Variants in LAMA2 observed in about 807,000 individuals in gnomAD.
LAMA2 encodes laminin subunit alpha 2, also known as laminin subunit alpha-2.
In LAMA2, 269 loss-of-function variants were observed where a neutral mutation model predicts 364.8. The observed-to-expected ratio is 0.74, with a 90% confidence interval of 0.67 to 0.82. The LOEUF (loss-of-function observed/expected upper bound fraction) is 0.82. Among genes scored for constraint, LAMA2 ranks in the 40% least tolerant of loss-of-function variants. The pLI is 0.00. For synonymous variants in LAMA2, 1,379 were observed against 1,370.6 expected (o/e 1.01, Z -0.14); for missense variants, 3,807 against 3,873.2 (o/e 0.98, Z 0.45).
At chr6:129,512,235 A>G in intron 62 of LAMA2, 128 bp from the exon 63 acceptor site, 1 of 870,538 alleles carries the variant, frequency 1.1e-6, no homozygotes, top group Non-Finnish European at 1.8e-6. Flanking sequence ...AGGATCTGAA[A>G]CTTATAGCCC....
intron 1 of LAMA2, among the ~76,000 whole-genome samples, chr6:128,978,704 T>A (rs542439836): frequency 1.3e-5 from 2 of 152,310 alleles, no homozygotes; most frequent in South Asian, 4.1e-4. Flanking sequence ...CAAGTATCAT[T>A]TGACTTGAGA....
At chr6:129,070,790 G>C (rs79069357) in intron 3 of LAMA2, among the ~76,000 whole-genome samples, 14,457 of 152,132 alleles carry the variant, frequency 0.095, 869 homozygotes, top group Middle Eastern at 0.14. Context: ...GTTTTGTCTA[G>C]TTTGGCAGTG....
chr6:129,261,752 A>G (rs914178974), intron 15 of LAMA2, among the ~76,000 whole-genome samples: 8 of 152,170 alleles, frequency 5.3e-5, no homozygotes, highest in African/African-American at 1.9e-4. Flanking sequence ...GATACGCATT[A>G]TAGTCATATT....
chr6:129,050,423 G>C (rs1296649209), intron 2 of LAMA2, among the ~76,000 whole-genome samples: 1 of 152,170 alleles, frequency 6.6e-6, no homozygotes, highest in Non-Finnish European at 1.5e-5. Flanking sequence ...GCCAGATATT[G>C]TGCCTGAGAT....
chr6:129,363,975 G>A (rs1430943304), intron 32 of LAMA2, among the ~76,000 whole-genome samples: 6 of 152,146 alleles, frequency 3.9e-5, no homozygotes, highest in Non-Finnish European at 8.8e-5. Context: ...TTTCATTCTG[G>A]CTAGGAGAAG....
At chr6:129,336,497 C>T (rs1775965137) in intron 29 of LAMA2, among the ~76,000 whole-genome samples, 1 of 152,020 alleles carries the variant, frequency 6.6e-6, no homozygotes, top group Non-Finnish European at 1.5e-5. Context: ...GTACCAGGAC[C>T]AAAACAGGTC....
At chr6:128,959,333 T>C (rs1340296939) in intron 1 of LAMA2, among the ~76,000 whole-genome samples, 1 of 152,076 alleles carries the variant, frequency 6.6e-6, no homozygotes, top group Non-Finnish European at 1.5e-5. Context: ...TTAGAAAGAG[T>C]GAAGAAAAGG....
chr6:129,233,749 C>A (rs1784815119), intron 12 of LAMA2, among the ~76,000 whole-genome samples: 1 of 152,074 alleles, frequency 6.6e-6, no homozygotes, highest in Non-Finnish European at 1.5e-5. Context: ...AGGCTTTCTT[C>A]TTTAAACAGA....
At chr6:129,149,531 T>C (rs1778670507) in intron 7 of LAMA2, among the ~76,000 whole-genome samples, 1 of 152,152 alleles carries the variant, frequency 6.6e-6, no homozygotes, top group South Asian at 2.1e-4. Flanking sequence ...TTGATAGACA[T>C]TTTAAATTAA....
chr6:129,464,460 T>G lies in LAMA2; in HGVS notation c.7155+8T>G. The stretch of plus-strand genomic sequence containing the variant: ...CTTGCCACACGAGACCTGGTAAAGA[T>G]CATATGCATAGCAGAGTTTCCGTGA... On this transcript the variant is annotated splice_region_variant and intron_variant, in intron 50 of 64. Transcript: ENST00000421865. 6.2e-7 allele frequency: 1 copy of G among 1,608,910 alleles called. No individual in the cohort carries two copies. The highest frequency in any genetic ancestry group is 8.5e-7 in the Non-Finnish European group (1 of 1,175,644).
chr6:129,508,823 G>A (rs1040811800), intron 62 of LAMA2, among the ~76,000 whole-genome samples: 3 of 152,116 alleles, frequency 2.0e-5, no homozygotes, highest in Non-Finnish European at 4.4e-5. Context: ...TGCAATAAAC[G>A]TGGGAGTGCA....
intron 4 of LAMA2, among the ~76,000 whole-genome samples, chr6:129,133,754 G>C (rs1371319751): frequency 6.6e-6 from 1 of 152,130 alleles, no homozygotes; most frequent in Non-Finnish European, 1.5e-5. Context: ...GAGGCTGCTA[G>C]TAGCTATCCT....
intron 64 of LAMA2, among the ~76,000 whole-genome samples, 186 bp from the exon 65 acceptor site, chr6:129,516,004 T>C (rs1787036083): frequency 6.7e-6 from 1 of 148,362 alleles, no homozygotes; most frequent in Non-Finnish European, 1.5e-5. Context: ...AGAACCTGTC[T>C]CAAAAAATTT....
chr6:129,271,437 ATGT>A (rs1008375292), intron 17 of LAMA2, among the ~76,000 whole-genome samples: 2 of 146,824 alleles, frequency 1.4e-5, no homozygotes, highest in African/African-American at 2.5e-5. Context: ...CCAACCAAAA[ATGT>A]TGTTTTGTTT....
chr6:129,008,620 G>A (rs532750858), intron 1 of LAMA2, among the ~76,000 whole-genome samples: 1 of 152,016 alleles, frequency 6.6e-6, no homozygotes, highest in Non-Finnish European at 1.5e-5. Context: ...CTAAATTTTT[G>A]ATCTTTATTA....
chr6:129,236,961 A>C (rs145395627), intron 12 of LAMA2, among the ~76,000 whole-genome samples: 1 of 152,200 alleles, frequency 6.6e-6, no homozygotes, highest in Non-Finnish European at 1.5e-5. Context: ...GTGTTCAGCA[A>C]TCAGCACAGA....
Position 129,270,649 on chromosome 6 carries a change from C to G in LAMA2, c.2348C>G (p.Pro783Arg). The G allele has an allele frequency of 6.2e-7, 1 of 1,612,950 alleles. No individual in the cohort carries two copies. The highest frequency in any genetic ancestry group is 8.5e-7 in the Non-Finnish European group (1 of 1,179,268). The change falls in exon 17 of 65, where the codon CCA becomes CGA. Residue 783 changes from proline to arginine, a missense_variant. Transcript: ENST00000421865. ...AACTGTAAGGATCACACAGGTGGCC[C>G]ATATTGTGATAAATGTCTTCCTGGT... ...CLNCKDHTGGPYCDKCLPGFY... is the reference protein window; with the variant it reads ...CLNCKDHTGGRYCDKCLPGFY...
At chr6:128,989,618 G>T (rs1783480142) in intron 1 of LAMA2, among the ~76,000 whole-genome samples, 1 of 152,136 alleles carries the variant, frequency 6.6e-6, no homozygotes, top group Non-Finnish European at 1.5e-5. Flanking sequence ...GCACATAGTA[G>T]GTGCTCCTAA....
At chr6:128,939,797 A>G (rs1780048087) in intron 1 of LAMA2, among the ~76,000 whole-genome samples, 1 of 152,158 alleles carries the variant, frequency 6.6e-6, no homozygotes, top group Admixed American at 6.5e-5. Context: ...AGCTTAAGCT[A>G]ATTATCTAAG....
Sources: gnomAD v4.1 joint callset for allele counts (sites outside exome capture counted in the v4.1 genomes callset) on GRCh38, gnomAD v4.1.1 for gene constraint, MANE v1.5 for transcripts, NCBI Gene and HGNC (gene_info 2026-07-23, HGNC 2026-07-21) for gene names.